ANKS1B: variants seen among roughly 807,000 people sequenced by gnomAD.
The protein encoded by ANKS1B is ankyrin repeat and sterile alpha motif domain-containing protein 1B.
A neutral mutation model predicts 148.3 loss-of-function variants in ANKS1B; 36 were observed. The observed-to-expected ratio is 0.24, with a 90% CI of 0.19 to 0.32. The LOEUF (loss-of-function observed/expected upper bound fraction) is 0.32, where lower values mean the gene tolerates loss of function less well. ANKS1B is among the 10% of genes least tolerant of loss of function. ANKS1B has a pLI of 1.00. For missense variants in ANKS1B, 1,157 were observed against 1,542.6 expected (o/e 0.75, Z 4.19); for synonymous variants, 542 against 560.8 (o/e 0.97, Z 0.47).
intron 14 of ANKS1B, among the ~76,000 whole-genome samples, chr12:99,239,465 G>C (rs976152448): frequency 6.6e-6 from 1 of 152,186 alleles, no homozygotes. Context: ...AAGTGACAGG[G>C]AGAATGAACC....
At chr12:99,351,995 T>C (rs1195231033) in intron 12 of ANKS1B, 1 of 152,062 alleles carries the variant, frequency 6.6e-6, no homozygotes, top group Non-Finnish European at 1.5e-5. Context: ...TTCGGAAATG[T>C]GACTTAGATG....
chr12:99,651,290 G>T lies in ANKS1B; in HGVS notation c.1272+3777C>A, dbSNP rs576373521. On this transcript the variant is annotated intron_variant, in intron 9 of 26. Transcript: ENST00000683438. ...GATGTTCTAGCTTTGCGAATTTCAA[G>T]GTTACATTACTGAGAAATCACATCT... Among the ~76,000 whole-genome samples, 28 of 152,224 alleles carry T rather than the reference G, an allele frequency of 1.8e-4. No individual in the cohort carries two copies. The South Asian group carries it at 5.6e-3, about 30-fold the overall frequency.
At chr12:99,297,462 A>G (rs1260677592) in intron 12 of ANKS1B, among the ~76,000 whole-genome samples, 2 of 152,232 alleles carry the variant, frequency 1.3e-5, no homozygotes, top group African/African-American at 4.8e-5. Flanking sequence ...GAGAACCTTC[A>G]TTCATTGAAC....
At chr12:99,215,966 C>T (rs974370945) in intron 14 of ANKS1B, among the ~76,000 whole-genome samples, 1 of 152,264 alleles carries the variant, frequency 6.6e-6, no homozygotes, top group African/African-American at 2.4e-5. Context: ...GCTGTGTCCT[C>T]ATCTTGAATT....
chr12:99,273,997 G>C (rs1002069028), intron 12 of ANKS1B, among the ~76,000 whole-genome samples: 1 of 152,062 alleles, frequency 6.6e-6, no homozygotes, highest in African/African-American at 2.4e-5. Context: ...GGACATTGCT[G>C]CTCTGCAATG....
intron 12 of ANKS1B, chr12:99,386,181 T>C (rs1203873121): frequency 1.3e-5 from 2 of 152,208 alleles, no homozygotes; most frequent in South Asian, 2.1e-4. Flanking sequence ...TGTTGATTCT[T>C]TGTAGCATAT....
At chr12:99,651,920 CTATATAT>C (rs2098422127) in intron 9 of ANKS1B, among the ~76,000 whole-genome samples, 1 of 151,204 alleles carries the variant, frequency 6.6e-6, no homozygotes. Flanking sequence ...TGTGTATATA[CTATATAT>C]ATGTACAAAT....
At chr12:99,080,215 T>C (rs1197833466) in intron 16 of ANKS1B, among the ~76,000 whole-genome samples, 1 of 149,528 alleles carries the variant, frequency 6.7e-6, no homozygotes, top group Admixed American at 6.7e-5. Context: ...TGCAGGCAAA[T>C]GAACCCAGTT....
chr12:98,935,322 C>T (rs1431544579), intron 17 of ANKS1B, among the ~76,000 whole-genome samples: 1 of 152,114 alleles, frequency 6.6e-6, no homozygotes, highest in Non-Finnish European at 1.5e-5. Flanking sequence ...ACAGATAAAT[C>T]CCACTTGGTT....
chr12:99,482,020 A>G (rs2096418531), intron 10 of ANKS1B, among the ~76,000 whole-genome samples: 1 of 151,782 alleles, frequency 6.6e-6, no homozygotes, highest in Non-Finnish European at 1.5e-5. Flanking sequence ...TTGCTATGCT[A>G]AAGTGTTTTA....
At chr12:99,033,313 T>C (rs554899308) in intron 17 of ANKS1B, among the ~76,000 whole-genome samples, 142 of 152,306 alleles carry the variant, frequency 9.3e-4, no homozygotes, top group Non-Finnish European at 1.8e-3. Flanking sequence ...TTATGCACTT[T>C]TAAGTGTGTA....
intron 9 of ANKS1B, among the ~76,000 whole-genome samples, chr12:99,505,628 T>C (rs1438500170): frequency 6.8e-6 from 1 of 148,128 alleles, no homozygotes; most frequent in Non-Finnish European, 1.5e-5. Context: ...AGCATATTTA[T>C]ATATTATATA....
intron 11 of ANKS1B, among the ~76,000 whole-genome samples, chr12:99,427,217 C>T (rs12305156): frequency 0.038 from 5,760 of 152,224 alleles, 380 homozygotes; most frequent in African/African-American, 0.13. Flanking sequence ...TTGCTTAACA[C>T]CCTTCAGTGG....
At chr12:98,935,419 T>C (rs2099817653) in intron 17 of ANKS1B, among the ~76,000 whole-genome samples, 1 of 152,200 alleles carries the variant, frequency 6.6e-6, no homozygotes, top group African/African-American at 2.4e-5. Context: ...ATCAGGGATA[T>C]TGGCTGCAGT....
chr12:99,316,763 GTA>G (rs1285097852), intron 12 of ANKS1B, among the ~76,000 whole-genome samples: 1 of 152,118 alleles, frequency 6.6e-6, no homozygotes, highest in African/African-American at 2.4e-5. Context: ...GGCCTGAATG[GTA>G]TTGCCTAGGT....
chr12:99,220,212 C>G (rs936806164), intron 14 of ANKS1B, among the ~76,000 whole-genome samples: 1 of 152,050 alleles, frequency 6.6e-6, no homozygotes, highest in Non-Finnish European at 1.5e-5. Flanking sequence ...GTTGGCCAGG[C>G]TGGTCTTGAA....
chr12:99,984,124 C>A lies in ANKS1B; in HGVS notation c.114G>T (p.Leu38=), dbSNP rs1411426871. 7 of 1,613,298 alleles carry A rather than the reference C, an allele frequency of 4.3e-6. No homozygotes were observed. The highest frequency in any genetic ancestry group is 4.5e-5 in the East Asian group (2 of 44,880). ...GGILGGGSGP[L]PLSNLLSIWR... Reference sequence around the variant, plus strand: ...CTTACCTTAGCAGATTAGACAGGGGCAGGGGTCCGGATCCACCGCCCAGGA... The same window carrying A: ...CTTACCTTAGCAGATTAGACAGGGGAAGGGGTCCGGATCCACCGCCCAGGA... The change falls in exon 1 of 27, where the codon CTG becomes CTT. Residue 38 remains leucine (L), a synonymous_variant. Transcript: ENST00000683438.
chr12:99,145,103 A>G (rs1220087212), intron 15 of ANKS1B, among the ~76,000 whole-genome samples: 1 of 152,116 alleles, frequency 6.6e-6, no homozygotes, highest in East Asian at 1.9e-4. Context: ...CTTCAGTCCC[A>G]TGTAATAAAC....
intron 8 of ANKS1B, among the ~76,000 whole-genome samples, chr12:99,760,885 CA>C (rs973786772): frequency 5.3e-5 from 8 of 149,810 alleles, no homozygotes; most frequent in Non-Finnish European, 6.0e-5. Context: ...CACCGAAATA[CA>C]AAAAAAACCC....
Sources: gnomAD v4.1 joint callset for allele counts (sites outside exome capture counted in the v4.1 genomes callset) on GRCh38, gnomAD v4.1.1 for gene constraint, MANE v1.5 for transcripts, NCBI Gene and HGNC (gene_info 2026-07-23, HGNC 2026-07-21) for gene names.